The following AFF3 variants were observed in gnomAD, a reference collection of about 807,000 sequenced individuals.
AFF3 encodes AF4/FMR2 family member 3.
A neutral mutation model predicts 129.7 loss-of-function variants in AFF3; 32 were observed. That is an observed-to-expected ratio of 0.25 (90% CI 0.19 to 0.33). The LOEUF is 0.33. AFF3 is among the 10% of genes least tolerant of loss of function. The probability of loss-of-function intolerance (pLI) is 1.00; values close to 1 mark genes in which losing one functional copy is unlikely to be tolerated. For synonymous variants in AFF3, 644 were observed against 635.4 expected, an observed-to-expected ratio of 1.01 and a Z score of -0.20; for missense variants, 1,373 against 1,592.0, an observed-to-expected ratio of 0.86 and a Z score of 2.34.
At chr2:99,779,293 G>C (rs377629068) in intron 8 of AFF3, among the ~76,000 whole-genome samples, 1 of 152,122 alleles carries the variant, frequency 6.6e-6, no homozygotes, top group Non-Finnish European at 1.5e-5. Flanking sequence ...TGGCCATGTG[G>C]CTGTTATCAT....
At chr2:99,557,340 C>T (rs1236850191) in intron 22 of AFF3, among the ~76,000 whole-genome samples, 3 of 145,954 alleles carry the variant, frequency 2.1e-5, no homozygotes, top group South Asian at 2.1e-4. Context: ...AGTGCAGTGG[C>T]GCCATCTCTG....
At chr2:99,854,046 T>C (rs1219858652) in intron 7 of AFF3, among the ~76,000 whole-genome samples, 1 of 152,208 alleles carries the variant, frequency 6.6e-6, no homozygotes, top group Non-Finnish European at 1.5e-5. Context: ...GATCTGTGTC[T>C]GGTGCATGTA....
rs1439532894 is a variant in AFF3, at chr2:99,546,465, C to T, written c.*5009G>A. On this transcript the variant is annotated 3_prime_UTR_variant, in exon 25 of 25. Transcript: ENST00000672756. ...CCCTTTCTGCATTTTTCTCTCTAGA[C>T]ACGAGTGAGTTATGTCAGATGGTAT... The T allele has an allele frequency of 4.3e-6, 1 of 232,822 alleles. No individual in the cohort carries two copies. The highest frequency in any genetic ancestry group is 8.5e-6 in the Non-Finnish European group (1 of 117,918). 14.4% of individuals were successfully genotyped at this position (232,822 alleles called of 1,614,324 possible).
At chr2:99,688,100 C>A (rs1675250841) in intron 11 of AFF3, among the ~76,000 whole-genome samples, 1 of 152,192 alleles carries the variant, frequency 6.6e-6, no homozygotes, top group Non-Finnish European at 1.5e-5. Flanking sequence ...CCTCGGCCTC[C>A]CAAAATGCTG....
At chr2:99,705,199 C>G (rs1432275405) in intron 11 of AFF3, among the ~76,000 whole-genome samples, 4 of 152,140 alleles carry the variant, frequency 2.6e-5, no homozygotes, top group African/African-American at 9.7e-5. Context: ...CCACAATGCA[C>G]AGATGCTGGG....
At chr2:99,797,456 G>A (rs1685630443) in intron 8 of AFF3, among the ~76,000 whole-genome samples, 1 of 152,042 alleles carries the variant, frequency 6.6e-6, no homozygotes, top group Non-Finnish European at 1.5e-5. Flanking sequence ...GTGATCTAAT[G>A]TACATAAAAT....
intron 8 of AFF3, among the ~76,000 whole-genome samples, chr2:99,805,349 G>A (rs1169127552): frequency 6.6e-6 from 1 of 152,190 alleles, no homozygotes; most frequent in African/African-American, 2.4e-5. Context: ...AAAGTGAGAA[G>A]TGTGTTACAT....
intron 7 of AFF3, among the ~76,000 whole-genome samples, chr2:99,885,428 T>C (rs927520635): frequency 1.3e-5 from 2 of 152,214 alleles, no homozygotes; most frequent in African/African-American, 4.8e-5. Flanking sequence ...TGTTTGGTAC[T>C]CACATGCACA....
At chr2:99,590,950 G>A (rs893073531) in intron 15 of AFF3, among the ~76,000 whole-genome samples, 29 of 151,234 alleles carry the variant, frequency 1.9e-4, no homozygotes, top group Non-Finnish European at 4.0e-4. Context: ...CCAAGATGGT[G>A]GAGCATCATT....
chr2:99,584,292 AC>A (rs532368829), intron 16 of AFF3, among the ~76,000 whole-genome samples: 3 of 151,372 alleles, frequency 2.0e-5, no homozygotes. Context: ...ACACGGTGAA[AC>A]CCCCTCTCTG....
Position 100,129,303 on chromosome 2 carries a change from C to CT in AFF3, c.-225dup, listed in dbSNP as rs1352923074. 1 of 151,932 alleles carries CT rather than the reference C, an allele frequency of 6.6e-6. No homozygotes were observed. Among genetic ancestry groups the CT allele is most frequent in the Non-Finnish European group, 1.5e-5 (1 of 68,016 alleles). The allele number at this position is 151,932 out of a possible 1,614,324, so 9.4% of individuals were successfully genotyped here. On this transcript the variant is annotated 5_prime_UTR_variant, in exon 2 of 25. Coordinates refer to ENST00000672756, the MANE Select transcript of AFF3 (RefSeq NM_001386135.1). ...TAAGGTCTAAATCATATGTGTGAAA[C>CT]TTTCTGCAAAACAAAAGCGATTGGG...
At chr2:99,807,496 TC>T (rs1299861621) in intron 8 of AFF3, among the ~76,000 whole-genome samples, 1 of 152,088 alleles carries the variant, frequency 6.6e-6, no homozygotes, top group African/African-American at 2.4e-5. Flanking sequence ...TGATATTGAG[TC>T]CCAATTCATA....
At chr2:100,030,097 A>G (rs1030622805) in intron 4 of AFF3, among the ~76,000 whole-genome samples, 24 of 146,144 alleles carry the variant, frequency 1.6e-4, no homozygotes, top group Non-Finnish European at 2.9e-4. Context: ...TAATAATAAT[A>G]ATGATAAGAT....
intron 12 of AFF3, among the ~76,000 whole-genome samples, chr2:99,661,064 C>A (rs1295196628): frequency 1.3e-5 from 2 of 152,164 alleles, no homozygotes; most frequent in Non-Finnish European, 2.9e-5. Context: ...TATGACACTG[C>A]CCATGCCTGG....
Position 99,870,628 on chromosome 2 carries a change from C to G in AFF3, c.874-33104G>C, listed in dbSNP as rs992833594. On this transcript the variant is annotated intron_variant, in intron 7 of 24. Coordinates refer to ENST00000672756, the MANE Select transcript of AFF3 (RefSeq NM_001386135.1). Reference sequence around the variant, plus strand: ...GCCCACCTGACAATCCTCTGCAGGCCAGCAGGCCCCCTGGCAGGCTGGGCA... The same window carrying G: ...GCCCACCTGACAATCCTCTGCAGGCGAGCAGGCCCCCTGGCAGGCTGGGCA... 6.6e-5 allele frequency among the ~76,000 whole-genome samples: 10 copies of G among 152,316 alleles called. No homozygotes were observed. The South Asian group carries it at 2.1e-3, about 32-fold the overall frequency.
chr2:99,893,834 T>A (rs1392131217), intron 7 of AFF3, among the ~76,000 whole-genome samples: 1 of 152,204 alleles, frequency 6.6e-6, no homozygotes, highest in Non-Finnish European at 1.5e-5. Flanking sequence ...TTTTTATCTA[T>A]CAGTATTTAA....
At chr2:99,771,367 G>A (rs1025981696) in intron 8 of AFF3, among the ~76,000 whole-genome samples, 8 of 150,126 alleles carry the variant, frequency 5.3e-5, no homozygotes, top group Non-Finnish European at 7.4e-5. Context: ...TATGTAATAA[G>A]CCTGCATATC....
intron 10 of AFF3, among the ~76,000 whole-genome samples, chr2:99,737,085 G>T (rs1377315824): frequency 2.0e-5 from 3 of 151,784 alleles, no homozygotes; most frequent in Non-Finnish European, 4.4e-5. Flanking sequence ...TAGTTTAGTG[G>T]GTACCCTACA....
In AFF3 at chr2:100,018,474, T is replaced by C. The variant is rs999648972; in HGVS notation, c.54-9542A>G. The stretch of plus-strand genomic sequence containing the variant: ...CTTTGCATTTCCAAGGGTTAAATGC[T>C]TTTCCTGAGGGATCCTAAGTCTTGG... On this transcript the variant is annotated intron_variant, in intron 4 of 24. Coordinates refer to ENST00000672756, the MANE Select transcript of AFF3 (RefSeq NM_001386135.1). 5.3e-5 allele frequency among the ~76,000 whole-genome samples: 8 copies of C among 152,178 alleles called. No individual in the cohort carries two copies. In the East Asian group the frequency reaches 1.5e-3, roughly 29 times the overall value.
Sources: allele counts gnomAD v4.1 joint callset (sites outside exome capture counted in the v4.1 genomes callset), GRCh38; gene constraint gnomAD v4.1.1; transcripts MANE v1.5; gene names NCBI Gene and HGNC (gene_info 2026-07-23, HGNC 2026-07-21).